The following CAMKMT variants were observed in gnomAD, a reference collection of about 807,000 sequenced individuals.
The protein encoded by CAMKMT is CaM KMT.
Under a neutral mutation model 48.0 loss-of-function variants are expected in CAMKMT, and 53 were observed. That is an observed-to-expected ratio of 1.10 (90% CI 0.89 to 1.39). The LOEUF (loss-of-function observed/expected upper bound fraction) is 1.39, where lower values mean the gene tolerates loss of function less well. CAMKMT is among the 40% of genes most tolerant of loss of function. The pLI, the probability that CAMKMT is intolerant of heterozygous loss-of-function variation, is 0.00. For synonymous variants in CAMKMT, 165 were observed against 152.3 expected (o/e 1.08, Z -0.61); for missense variants, 428 against 402.7 (o/e 1.06, Z -0.54).
At chr2:44,741,756 T>G (rs1234065404) in intron 7 of CAMKMT, among the ~76,000 whole-genome samples, 2 of 152,224 alleles carry the variant, frequency 1.3e-5, no homozygotes, top group Non-Finnish European at 2.9e-5. Context: ...TTACAGCTGC[T>G]GTGGGAATCC....
chr2:44,483,027 A>G (rs540127757), intron 3 of CAMKMT, among the ~76,000 whole-genome samples: 2 of 152,254 alleles, frequency 1.3e-5, no homozygotes, highest in South Asian at 2.1e-4. Flanking sequence ...AGTGCTGTCC[A>G]ATGGAATCAA....
At chr2:44,405,297 T>G (rs1365232768) in intron 3 of CAMKMT, among the ~76,000 whole-genome samples, 1 of 152,122 alleles carries the variant, frequency 6.6e-6, no homozygotes, top group Non-Finnish European at 1.5e-5. Flanking sequence ...GTCTGACAGC[T>G]GTACTTCCAT....
chr2:44,676,214 C>G (rs915980914), intron 3 of CAMKMT, among the ~76,000 whole-genome samples: 3 of 152,032 alleles, frequency 2.0e-5, no homozygotes, highest in Admixed American at 6.5e-5. Flanking sequence ...CTCTCTCGCT[C>G]TCTCTCTCTT....
intron 3 of CAMKMT, among the ~76,000 whole-genome samples, chr2:44,466,762 A>C (rs1051503182): frequency 1.3e-5 from 2 of 152,238 alleles, no homozygotes; most frequent in African/African-American, 4.8e-5. Context: ...ACTAGCCATT[A>C]GCTAGACTTA....
intron 3 of CAMKMT, among the ~76,000 whole-genome samples, chr2:44,651,496 C>G (rs528608174): frequency 6.6e-6 from 1 of 152,090 alleles, no homozygotes; most frequent in Non-Finnish European, 1.5e-5. Flanking sequence ...CCAGCCTGGC[C>G]AACGTGGTGA....
chr2:44,378,668 A>G (rs1679939933), intron 2 of CAMKMT, among the ~76,000 whole-genome samples: 1 of 152,038 alleles, frequency 6.6e-6, no homozygotes, highest in Admixed American at 6.6e-5. Flanking sequence ...TAATTTTTGT[A>G]TTTTTAGTAG....
At chr2:44,630,655 A>G (rs1672758761) in intron 3 of CAMKMT, among the ~76,000 whole-genome samples, 1 of 151,930 alleles carries the variant, frequency 6.6e-6, no homozygotes, top group Non-Finnish European at 1.5e-5. Context: ...AATGCTCACC[A>G]TCACTGGCTA....
At chr2:44,600,439 G>T (rs1670918852) in intron 3 of CAMKMT, among the ~76,000 whole-genome samples, 1 of 151,762 alleles carries the variant, frequency 6.6e-6, no homozygotes, top group African/African-American at 2.4e-5. Context: ...GCTAATTTTT[G>T]TATTTTTGGT....
At chr2:44,634,182 T>G (rs1672994425) in intron 3 of CAMKMT, among the ~76,000 whole-genome samples, 1 of 152,112 alleles carries the variant, frequency 6.6e-6, no homozygotes, top group African/African-American at 2.4e-5. Context: ...AGGAAGACTC[T>G]GCATCGGTTT....
chr2:44,412,002 TTTTTTTTTAGCAGAC>T (rs1683235135), intron 3 of CAMKMT, among the ~76,000 whole-genome samples: 1 of 140,474 alleles, frequency 7.1e-6, no homozygotes, highest in African/African-American at 2.6e-5. Flanking sequence ...TTTTTTTTTT[TTTTTTTTTAGCAGAC>T]AGTGTAGATT....
chr2:44,417,818 A>G (rs888934632), intron 3 of CAMKMT, among the ~76,000 whole-genome samples: 4 of 152,160 alleles, frequency 2.6e-5, no homozygotes, highest in Admixed American at 1.3e-4. Context: ...ACATCTTTTC[A>G]TGTGCTTATT....
At chr2:44,462,766 G>C (rs698797) in intron 3 of CAMKMT, among the ~76,000 whole-genome samples, 94,156 of 151,882 alleles carry the variant, frequency 0.62, 29,830 homozygotes, top group Admixed American at 0.69. Context: ...TCAGGTCTCA[G>C]CTATTTAGAA....
At chr2:44,712,501 A>G (rs1677936631) in intron 6 of CAMKMT, among the ~76,000 whole-genome samples, 1 of 152,158 alleles carries the variant, frequency 6.6e-6, no homozygotes, top group South Asian at 2.1e-4. Flanking sequence ...ACTGAAACAA[A>G]ATTGAAATGG....
chr2:44,579,373 A>G (rs902359326), intron 3 of CAMKMT, among the ~76,000 whole-genome samples: 2 of 152,184 alleles, frequency 1.3e-5, no homozygotes, highest in African/African-American at 4.8e-5. Flanking sequence ...TGAAATGCAA[A>G]GCTCTTGTAC....
chr2:44,673,554 C>G (rs1008494351), intron 3 of CAMKMT, among the ~76,000 whole-genome samples: 1 of 150,002 alleles, frequency 6.7e-6, no homozygotes, highest in African/African-American at 2.5e-5. Flanking sequence ...ACCCAAAAAC[C>G]TAAACATCAT....
chr2:44,456,589 G>T (rs1473752309), intron 3 of CAMKMT: 20 of 1,549,682 alleles, frequency 1.3e-5, no homozygotes, highest in African/African-American at 2.7e-5. Flanking sequence ...AGGGGAAAAT[G>T]AAGATATCAC....
intron 3 of CAMKMT, among the ~76,000 whole-genome samples, chr2:44,498,070 G>A (rs1669841452): frequency 6.6e-6 from 1 of 152,134 alleles, no homozygotes; most frequent in African/African-American, 2.4e-5. Flanking sequence ...AGAGTTTGAT[G>A]CTTGTTTCCT....
intron 3 of CAMKMT, among the ~76,000 whole-genome samples, chr2:44,644,336 T>C (rs1673614506): frequency 6.6e-6 from 1 of 152,250 alleles, no homozygotes; most frequent in Admixed American, 6.5e-5. Context: ...AAATGGACCC[T>C]TCAAGAAGTA....
intron 3 of CAMKMT, among the ~76,000 whole-genome samples, chr2:44,486,455 G>T (rs1184459658): frequency 6.6e-6 from 1 of 152,190 alleles, no homozygotes; most frequent in Admixed American, 6.5e-5. Context: ...AGTCTGGAAT[G>T]TGGATAAGAA....
Sources: allele counts gnomAD v4.1 joint callset (sites outside exome capture counted in the v4.1 genomes callset), GRCh38; gene constraint gnomAD v4.1.1; transcripts MANE v1.5; gene names NCBI Gene and HGNC (gene_info 2026-07-23, HGNC 2026-07-21).